The following SYT7 variants were observed in gnomAD, a reference collection of about 807,000 sequenced individuals.
SYT7 encodes the protein synaptotagmin 7.
A neutral mutation model predicts 75.1 loss-of-function variants in SYT7; 29 were observed. The observed-to-expected ratio is 0.39, with a 90% CI of 0.29 to 0.53. The LOEUF is 0.53. SYT7 is among the 20% of genes least tolerant of loss of function. The pLI is 0.77. For missense variants in SYT7, 693 were observed against 953.2 expected (o/e 0.73, Z 3.59); for synonymous variants, 376 against 401.7 (o/e 0.94, Z 0.76).
intron 12 of SYT7, among the ~76,000 whole-genome samples, chr11:61,519,334 C>G (rs921773409): frequency 1.2e-4 from 18 of 152,240 alleles, no homozygotes; most frequent in Admixed American, 2.6e-4. Context: ...CAGCCTCACC[C>G]GGCTGCATGC....
Position 61,556,193 on chromosome 11 carries a change from C to A in SYT7, c.46G>T (p.Asp16Tyr). The change falls in exon 2 of 13, where the codon GAC becomes TAC. Residue 16 changes from aspartate to tyrosine, a missense_variant. By Grantham distance (160) the Asp-to-Tyr change is radical. Around this residue, in one of 2 missense-constraint regions of SYT7, gnomAD observed 487 missense variants for 593.2 expected, o/e 0.82. Coordinates refer to ENST00000539008, the MANE Select transcript of SYT7 (RefSeq NM_001365809.2). The stretch of plus-strand genomic sequence containing the variant: ...ATGATGGCAGAGACCAGCAGGACGT[C>A]GCGCGAGGGCGCCCCTGGGGAGGAC... ...EAASPGAPSR[D>Y]VLLVSAIITV... The A allele has an allele frequency of 6.2e-7, 1 of 1,613,382 alleles. No homozygotes were observed. The highest frequency in any genetic ancestry group is 1.1e-5 in the South Asian group (1 of 90,922).
At chr11:61,586,656 G>A in the SYT7 span, among the ~76,000 whole-genome samples, 2 of 152,194 alleles carry the variant, frequency 1.3e-5, no homozygotes, top group African/African-American at 4.8e-5. Context: ...TGTGTTTGGG[G>A]TGGGGGTCCT....
At chr11:61,525,237 T>C (rs1223219306) in intron 9 of SYT7, among the ~76,000 whole-genome samples, 3 of 152,192 alleles carry the variant, frequency 2.0e-5, no homozygotes, top group Non-Finnish European at 4.4e-5. Context: ...GAGAGACCTT[T>C]TAAAAATAGA....
At chr11:61,554,361 A>C (rs1216111671) in intron 2 of SYT7, among the ~76,000 whole-genome samples, 1 of 151,902 alleles carries the variant, frequency 6.6e-6, no homozygotes, top group Non-Finnish European at 1.5e-5. Flanking sequence ...GGTGGGGCAG[A>C]CCCCAGCATT....
chr11:61,534,369 G>A (rs990752875), intron 7 of SYT7, among the ~76,000 whole-genome samples: 7 of 151,036 alleles, frequency 4.6e-5, no homozygotes, highest in African/African-American at 1.7e-4. Context: ...GTGCACGTGC[G>A]CACACACACA....
chr11:61,537,680 C>T (rs571176200), intron 7 of SYT7, among the ~76,000 whole-genome samples: 30 of 152,324 alleles, frequency 2.0e-4, no homozygotes, highest in African/African-American at 7.0e-4. Context: ...AGCCAAGCAG[C>T]CCAACAGGAC....
At chr11:61,569,320 GGTCAGGGTTCT>G (rs1300518312) in intron 1 of SYT7, among the ~76,000 whole-genome samples, 2 of 152,124 alleles carry the variant, frequency 1.3e-5, no homozygotes, top group Non-Finnish European at 2.9e-5. Flanking sequence ...AAACTGCCTG[GGTCAGGGTTCT>G]GTCAGGGCAG....
At chr11:61,581,919 A>T (rs1239125818), upstream of SYT7, among the ~76,000 whole-genome samples, 2 of 152,174 alleles carry the variant, frequency 1.3e-5, no homozygotes, top group Non-Finnish European at 2.9e-5. Context: ...CACAGTCTAA[A>T]TCAGGTGAAC....
intron 7 of SYT7, among the ~76,000 whole-genome samples, chr11:61,534,866 G>A (rs950387491): frequency 2.0e-5 from 3 of 152,108 alleles, no homozygotes; most frequent in African/African-American, 4.8e-5. Flanking sequence ...ACACACGAGA[G>A]GACACGTGCT....
Position 61,546,471 on chromosome 11 carries a change from T to C in SYT7, c.348-216A>G. 2.0e-6 allele frequency: 1 copy of C among 512,810 alleles called. No individual in the cohort carries two copies. Among genetic ancestry groups the C allele is most frequent in the South Asian group, 2.0e-5 (1 of 49,612 alleles). The allele number at this position is 512,810 out of a possible 1,614,324, so 31.8% of individuals were successfully genotyped here. A position where few individuals can be genotyped will look rare whatever the true frequency, so the allele number is the denominator to read the frequency against. On this transcript the variant is annotated intron_variant, in intron 4 of 12. Coordinates refer to ENST00000539008, the MANE Select transcript of SYT7 (RefSeq NM_001365809.2). This position sits in a 1 kb window ranked among gnomAD's most constrained non-coding sequence, Gnocchi z 7.6. Reference sequence around the variant, plus strand: ...AGAGACATCAGCACTGCAAATGGGTTAACAGCGGAGCCTGCAGAGGAGAGA... The same window carrying C: ...AGAGACATCAGCACTGCAAATGGGTCAACAGCGGAGCCTGCAGAGGAGAGA...
chr11:61,572,591 A>G (rs1013409399), intron 1 of SYT7, among the ~76,000 whole-genome samples: 1 of 152,156 alleles, frequency 6.6e-6, no homozygotes, highest in African/African-American at 2.4e-5. Context: ...AGTGAATTGG[A>G]TATCTCCCTT....
In SYT7 at chr11:61,551,426, G is replaced by A. The variant is rs766869187; in HGVS notation, c.173C>T (p.Thr58Met). 26 of 1,613,800 alleles carry A rather than the reference G, an allele frequency of 1.6e-5. No individual in the cohort carries two copies. The highest frequency in any genetic ancestry group is 5.5e-5 in the South Asian group (5 of 91,090). Residue 58 changes from threonine (T) to methionine (M), a missense_variant, in exon 3 of 13, where the codon ACG (threonine) becomes ATG (methionine). Physicochemically the swap from Thr to Met is moderately conservative, Grantham distance 81. This residue lies in a region of SYT7 where 487 missense variants were observed against 593.2 expected (regional missense o/e 0.82). Transcript: ENST00000539008. The surrounding 1 kb of genome is among the most constrained non-coding windows in gnomAD (Gnocchi z 5.3). ...ACTGCGCCCACGCCCTGAGTCTGGC[G>A]TGCCCACCGTCTCCAAGGAATTCTT... is the stretch of plus-strand genomic sequence containing the variant. ...RYKNSLETVG[T>M]PDSGRGRSEK...
At chr11:61,533,374 G>A (rs1013360068) in intron 7 of SYT7, 2 of 985,272 alleles carry the variant, frequency 2.0e-6, no homozygotes, top group African/African-American at 3.5e-5. Context: ...ATATTTTGGG[G>A]GGTGTCCCCA....
Position 61,517,385 on chromosome 11 carries a change from G to A in SYT7, c.*1242C>T, listed in dbSNP as rs1046688608. On this transcript the variant is annotated 3_prime_UTR_variant, in exon 13 of 13. Coordinates refer to ENST00000539008, the MANE Select transcript of SYT7 (RefSeq NM_001365809.2). ...CCTTTCCCTGCACTGTGAGTGAGTC[G>A]GGCAGAAGGAGCTGCTCCCGGGGAC... 8 of 398,712 alleles carry A rather than the reference G, an allele frequency of 2.0e-5. No homozygotes were observed. Among genetic ancestry groups the A allele is most frequent in the Non-Finnish European group, 3.5e-5 (8 of 226,180 alleles). The allele number at this position is 398,712 out of a possible 1,614,324, so 24.7% of individuals were successfully genotyped here. A position where few individuals can be genotyped will look rare whatever the true frequency, so the allele number is the denominator to read the frequency against.
upstream of SYT7, among the ~76,000 whole-genome samples, chr11:61,584,382 G>A (rs1303473722): frequency 5.4e-5 from 7 of 129,196 alleles, no homozygotes; most frequent in African/African-American, 9.0e-5. Context: ...GTGACAGAAT[G>A]AGACTCCGTC....
intron 1 of SYT7, among the ~76,000 whole-genome samples, chr11:61,573,031 G>A (rs771044547): frequency 3.3e-5 from 5 of 152,342 alleles, no homozygotes; most frequent in East Asian, 3.9e-4. Flanking sequence ...ACCAGGCCCC[G>A]CTGTGAATGG....
chr11:61,565,049 G>A (rs879916737), intron 1 of SYT7, among the ~76,000 whole-genome samples: 2 of 152,176 alleles, frequency 1.3e-5, no homozygotes, highest in Non-Finnish European at 2.9e-5. Flanking sequence ...GTGCTGCTGG[G>A]GGTGGTTGGG....
chr11:61,517,437 A>G lies in SYT7; in HGVS notation c.*1190T>C, dbSNP rs1007300884. The G allele has an allele frequency of 2.5e-6, 1 of 398,748 alleles. No individual in the cohort carries two copies. Among genetic ancestry groups the G allele is most frequent in the African/African-American group, 2.1e-5 (1 of 48,612 alleles). 24.7% of individuals were successfully genotyped at this position (398,748 alleles called of 1,614,324 possible). The stretch of plus-strand genomic sequence containing the variant: ...AGGGAGTGGGGAAGGGTGAGAAGAC[A>G]GTCCTGGAGAAGGTCAGGTGATGGA... On this transcript the variant is annotated 3_prime_UTR_variant, in exon 13 of 13. Coordinates refer to ENST00000539008, the MANE Select transcript of SYT7 (RefSeq NM_001365809.2).
upstream of SYT7, among the ~76,000 whole-genome samples, chr11:61,584,444 C>T (rs2064344879): frequency 6.6e-6 from 1 of 151,816 alleles, no homozygotes; most frequent in South Asian, 2.1e-4. Flanking sequence ...TAATTTATTC[C>T]TTATACTTTT....
Sources: gnomAD v4.1 joint callset for allele counts (sites outside exome capture counted in the v4.1 genomes callset) on GRCh38, gnomAD v4.1.1 for gene constraint, gnomAD v4.1.1 regional missense constraint, Gnocchi (gnomAD v3.1) non-coding constraint, MANE v1.5 for transcripts, NCBI Gene and HGNC (gene_info 2026-07-23, HGNC 2026-07-21) for gene names.